The following ZCCHC7 variants were observed in gnomAD, a reference collection of about 807,000 sequenced individuals.
ZCCHC7 encodes zinc finger CCHC domain-containing protein 7.
Under a neutral mutation model 52.0 loss-of-function variants are expected in ZCCHC7, and 35 were observed. The observed-to-expected ratio is 0.67, with a 90% CI of 0.51 to 0.89. The LOEUF (loss-of-function observed/expected upper bound fraction) is 0.89. Among genes scored for constraint, ZCCHC7 ranks in the 40% least tolerant of loss-of-function variants. The probability of loss-of-function intolerance (pLI) is 0.00; values close to 1 mark genes in which losing one functional copy is unlikely to be tolerated. For synonymous variants in ZCCHC7, 217 were observed against 221.5 expected (o/e 0.98, Z 0.18); for missense variants, 574 against 649.1 (o/e 0.88, Z 1.26).
chr9:37,355,466 T>G (rs1160221446), intron 8 of ZCCHC7, among the ~76,000 whole-genome samples: 1 of 152,260 alleles, frequency 6.6e-6, no homozygotes, highest in Non-Finnish European at 1.5e-5. Context: ...CCTTATTTTC[T>G]GACTCTTTTG....
intron 2 of ZCCHC7, among the ~76,000 whole-genome samples, chr9:37,298,747 A>G (rs1183584517): frequency 6.6e-6 from 1 of 152,228 alleles, no homozygotes; most frequent in African/African-American, 2.4e-5. Flanking sequence ...GTATTTTTAC[A>G]TAGGTACATT....
chr9:37,182,067 G>C (rs911328404), intron 2 of ZCCHC7, among the ~76,000 whole-genome samples: 33 of 152,248 alleles, frequency 2.2e-4, no homozygotes, highest in African/African-American at 7.9e-4. Flanking sequence ...GGTTTATAGA[G>C]ATATTATTAC....
intron 2 of ZCCHC7, among the ~76,000 whole-genome samples, chr9:37,282,781 A>G (rs1828026036): frequency 6.7e-6 from 1 of 149,136 alleles, no homozygotes. Flanking sequence ...TCAGTGAGCC[A>G]TGTTTTTGCC....
At chr9:37,286,474 A>G (rs1157300845) in intron 2 of ZCCHC7, among the ~76,000 whole-genome samples, 1 of 152,074 alleles carries the variant, frequency 6.6e-6, no homozygotes, top group Admixed American at 6.6e-5. Context: ...CCTGGGCAAC[A>G]TGGTGGAACC....
Position 37,355,232 on chromosome 9 carries a change from T to C in ZCCHC7, c.1198+408T>C, listed in dbSNP as rs867721289. Among the ~76,000 whole-genome samples the C allele has an allele frequency of 3.9e-5, 6 of 152,324 alleles. No homozygotes were observed. In the South Asian group the frequency reaches 8.3e-4, roughly 21 times the overall value. On this transcript the variant is annotated intron_variant, in intron 8 of 8. Transcript: ENST00000336755. ...CCTGGAGCTTCCCTGAAGAAGTCAT[T>C]TGTTAGAGGCCACCGCTGCAAGCAG...
At chr9:37,263,793 G>A (rs1048095795) in intron 2 of ZCCHC7, among the ~76,000 whole-genome samples, 1 of 152,136 alleles carries the variant, frequency 6.6e-6, no homozygotes, top group African/African-American at 2.4e-5. Flanking sequence ...AGAAAACCCA[G>A]CCAATCAATT....
At chr9:37,278,034 G>GTTTTGTTTTGTTTTGTTTTGTTT (rs1554723031) in intron 2 of ZCCHC7, among the ~76,000 whole-genome samples, 59 of 142,956 alleles carry the variant, frequency 4.1e-4, no homozygotes, top group East Asian at 8.1e-4. Context: ...GTGTGTGTGT[G>GTTTTGTTTTGTTTTGTTTTGTTT]TGTTTTGTTT....
chr9:37,267,879 A>G (rs1827193790), intron 2 of ZCCHC7, among the ~76,000 whole-genome samples: 1 of 151,538 alleles, frequency 6.6e-6, no homozygotes, highest in African/African-American at 2.4e-5. Context: ...TAATTTTTTC[A>G]TTTTTTATAG....
chr9:37,124,220 C>T (rs983256671), intron 1 of ZCCHC7, among the ~76,000 whole-genome samples: 1 of 152,048 alleles, frequency 6.6e-6, no homozygotes, highest in African/African-American at 2.4e-5. Context: ...ATTTTGGACA[C>T]ACACTTATTT....
chr9:37,217,912 T>A (rs941722110), intron 2 of ZCCHC7, among the ~76,000 whole-genome samples: 2 of 152,220 alleles, frequency 1.3e-5, no homozygotes, highest in Non-Finnish European at 1.5e-5. Flanking sequence ...ATATTCTGTT[T>A]GGAAATTCTC....
intron 2 of ZCCHC7, among the ~76,000 whole-genome samples, chr9:37,136,551 G>A (rs180712132): frequency 3.6e-4 from 54 of 149,734 alleles, no homozygotes; most frequent in African/African-American, 1.1e-3. Flanking sequence ...TTGACCTCCC[G>A]GGCTGAAGTG....
chr9:37,159,443 A>AT (rs548172257), intron 2 of ZCCHC7, among the ~76,000 whole-genome samples: 146 of 152,314 alleles, frequency 9.6e-4, no homozygotes, highest in African/African-American at 3.4e-3. Flanking sequence ...TGTTAATTTT[A>AT]TTTTAACTTT....
chr9:37,162,699 A>G (rs1392936703), intron 2 of ZCCHC7, among the ~76,000 whole-genome samples: 1 of 152,222 alleles, frequency 6.6e-6, no homozygotes, highest in Non-Finnish European at 1.5e-5. Flanking sequence ...TGGTATGGAT[A>G]GATGCTTTCT....
rs1828511251 is a variant in ZCCHC7, at chr9:37,291,023, G to A, written c.611-11165G>A. Among the ~76,000 whole-genome samples the A allele has an allele frequency of 4.6e-5, 7 of 152,198 alleles. No individual in the cohort carries two copies. The South Asian group carries it at 1.2e-3, about 27-fold the overall frequency. On this transcript the variant is annotated intron_variant, in intron 2 of 8. Coordinates refer to ENST00000336755, the MANE Select transcript of ZCCHC7 (RefSeq NM_032226.3). ...CATCATCCTTCACTTTTATTATTGT[G>A]CTGCCTAAAGTATTGCATTATCTTT...
intron 2 of ZCCHC7, among the ~76,000 whole-genome samples, chr9:37,162,694 T>C (rs1240817587): frequency 2.6e-5 from 4 of 152,224 alleles, no homozygotes; most frequent in African/African-American, 9.6e-5. Flanking sequence ...ACTCTTGGTA[T>C]GGATAGATGC....
chr9:37,352,355 C>T (rs1821427655), intron 7 of ZCCHC7, among the ~76,000 whole-genome samples: 1 of 152,068 alleles, frequency 6.6e-6, no homozygotes, highest in South Asian at 2.1e-4. Flanking sequence ...CACTCTCTAG[C>T]TGGGGAAGCA....
chr9:37,207,280 C>T (rs1322968630), intron 2 of ZCCHC7, among the ~76,000 whole-genome samples: 1 of 152,066 alleles, frequency 6.6e-6, no homozygotes, highest in East Asian at 1.9e-4. Context: ...CTTTTTTTAG[C>T]ACTTGCAATG....
At chr9:37,304,937 A>T (rs924727272) in intron 4 of ZCCHC7, among the ~76,000 whole-genome samples, 6 of 152,180 alleles carry the variant, frequency 3.9e-5, no homozygotes, top group Admixed American at 3.9e-4. Flanking sequence ...GTACTTCATA[A>T]GATAGCTTAT....
chr9:37,277,844 A>G (rs1827753216), intron 2 of ZCCHC7, among the ~76,000 whole-genome samples: 1 of 152,212 alleles, frequency 6.6e-6, no homozygotes, highest in South Asian at 2.1e-4. Context: ...TGGAATCCAT[A>G]GCCTCTAAAA....
Sources: allele counts gnomAD v4.1 joint callset (sites outside exome capture counted in the v4.1 genomes callset), GRCh38; gene constraint gnomAD v4.1.1; transcripts MANE v1.5; gene names NCBI Gene and HGNC (gene_info 2026-07-23, HGNC 2026-07-21).